Variants in SHLD1 observed in about 807,000 individuals in gnomAD.
SHLD1 encodes RINN1-REV7-interacting novel NHEJ regulator 3.
Under a neutral mutation model 5.5 loss-of-function variants are expected in SHLD1, and 3 were observed. That is an observed-to-expected ratio of 0.54 (90% CI 0.25 to 1.40). SHLD1 has a LOEUF of 1.40. Among genes scored for constraint, SHLD1 ranks in the 40% most tolerant of loss-of-function variants. SHLD1 has a pLI of 0.15. For missense variants in SHLD1, 210 were observed against 244.4 expected, an observed-to-expected ratio of 0.86 and a Z score of 0.94; for synonymous variants, 92 against 94.3, an observed-to-expected ratio of 0.98 and a Z score of 0.14.
chr20:5,800,214 G>A (rs1404210238), intron 2 of SHLD1, among the ~76,000 whole-genome samples: 1 of 152,222 alleles, frequency 6.6e-6, no homozygotes, highest in Admixed American at 6.5e-5. Context: ...AAGGCTGCCT[G>A]AGCTACAGCA....
At chr20:5,763,381 C>G (rs1257075172) in intron 1 of SHLD1, among the ~76,000 whole-genome samples, 1 of 151,744 alleles carries the variant, frequency 6.6e-6, no homozygotes, top group Non-Finnish European at 1.5e-5. Context: ...CCAGTTGACT[C>G]TGCCAAAAGG....
chr20:5,789,833 C>A (rs6053698), intron 2 of SHLD1, among the ~76,000 whole-genome samples: 44,441 of 151,736 alleles, frequency 0.29, 6,468 homozygotes, highest in Middle Eastern at 0.34. Context: ...AGAAGGTGAC[C>A]CAGACCCAGT....
chr20:5,831,721 C>G (rs1251351141), intron 2 of SHLD1, among the ~76,000 whole-genome samples: 1 of 151,748 alleles, frequency 6.6e-6, no homozygotes, highest in African/African-American at 2.4e-5. Flanking sequence ...TTGCCGAATC[C>G]CTTTGATCTC....
At chr20:5,837,406 C>G (rs112779637) in intron 2 of SHLD1, among the ~76,000 whole-genome samples, 2,519 of 152,256 alleles carry the variant, frequency 0.017, 74 homozygotes, top group African/African-American at 0.058. Context: ...CATCCCATCA[C>G]CTAGGTGTTA....
At position 5,863,223 on chromosome 20, in the gene SHLD1, T is replaced by C. The variant is rs1356558456; in HGVS notation, c.378T>C (p.Ser126=). The change falls in exon 3 of 3, where the codon TCT becomes TCC. Residue 126 remains serine (S), a synonymous_variant. Coordinates refer to ENST00000303142, the MANE Select transcript of SHLD1 (RefSeq NM_152504.4). The part of the protein sequence containing the change: ...SLSASVCKCL[S]QKITQLRGQE... ...CTGCATCTGTCTGCAAGTGCCTGTCTCAGAAAATCACTCAACTAAGAGGCC... is the reference window on the plus strand; with the variant it reads ...CTGCATCTGTCTGCAAGTGCCTGTCCCAGAAAATCACTCAACTAAGAGGCC... 18 of 1,614,038 alleles carry C rather than the reference T, an allele frequency of 1.1e-5. No homozygotes were observed. The Admixed American group carries it at 1.3e-4, about 12-fold the overall frequency.
chr20:5,843,295 C>CT (rs11473559), intron 2 of SHLD1, among the ~76,000 whole-genome samples: 3,189 of 141,690 alleles, frequency 0.023, 135 homozygotes, highest in African/African-American at 0.079. Flanking sequence ...TTGTTTTTTT[C>CT]TTTTTTTTTT....
At chr20:5,841,608 T>C (rs2087861677) in intron 2 of SHLD1, among the ~76,000 whole-genome samples, 2 of 152,176 alleles carry the variant, frequency 1.3e-5, no homozygotes, top group South Asian at 4.1e-4. Flanking sequence ...TAACAGAAAA[T>C]TCTAAAATGT....
intron 1 of SHLD1, chr20:5,756,689 CTTTTTTTT>C: frequency 1.3e-5 from 1 of 78,884 alleles, no homozygotes; most frequent in Non-Finnish European, 3.0e-5. Flanking sequence ...TTCTTTCTTT[CTTTTTTTT>C]TTTTTTTTTT....
chr20:5,851,352 A>G (rs1438606909), intron 2 of SHLD1, among the ~76,000 whole-genome samples: 1 of 152,096 alleles, frequency 6.6e-6, no homozygotes, highest in African/African-American at 2.4e-5. Flanking sequence ...GCTGGGCATC[A>G]TGGTGGTGCA....
intron 2 of SHLD1, among the ~76,000 whole-genome samples, chr20:5,849,820 G>A (rs925142806): frequency 1.0e-3 from 151 of 150,848 alleles, no homozygotes; most frequent in African/African-American, 3.6e-3. Flanking sequence ...TTAGCCGGGC[G>A]CGGTGGCGGG....
chr20:5,764,138 AAATATAT>A (rs1568489960), intron 1 of SHLD1, among the ~76,000 whole-genome samples: 1 of 50,316 alleles, frequency 2.0e-5, no homozygotes, highest in Non-Finnish European at 3.9e-5. Flanking sequence ...AAAAAAAAAA[AAATATAT>A]ATATATTTAT....
intron 2 of SHLD1, among the ~76,000 whole-genome samples, chr20:5,827,761 T>C (rs2087683157): frequency 6.6e-6 from 1 of 152,254 alleles, no homozygotes; most frequent in South Asian, 2.1e-4. Context: ...AGATTTCCCT[T>C]GCCTCCAGTT....
chr20:5,757,314 C>T (rs1488679709), intron 1 of SHLD1, among the ~76,000 whole-genome samples: 2 of 151,716 alleles, frequency 1.3e-5, no homozygotes, highest in Non-Finnish European at 2.9e-5. Flanking sequence ...TGGCCTCAAG[C>T]AGTCTGTCCA....
chr20:5,807,554 G>A (rs953592168), intron 2 of SHLD1, among the ~76,000 whole-genome samples: 10 of 151,912 alleles, frequency 6.6e-5, no homozygotes, highest in African/African-American at 1.5e-4. Flanking sequence ...ACATTTTTTT[G>A]TAGAGTTGAG....
intron 2 of SHLD1, among the ~76,000 whole-genome samples, chr20:5,839,505 A>ATAGATAGG (rs1382903511): frequency 1.3e-5 from 2 of 152,024 alleles, no homozygotes; most frequent in African/African-American, 2.4e-5. Context: ...AGATAGATAG[A>ATAGATAGG]TAGATAGATA....
intron 2 of SHLD1, among the ~76,000 whole-genome samples, chr20:5,849,087 A>C (rs2087966989): frequency 6.6e-6 from 1 of 152,194 alleles, no homozygotes; most frequent in Admixed American, 6.5e-5. Flanking sequence ...GCAAATTCTA[A>C]AATATATGAA....
intron 2 of SHLD1, among the ~76,000 whole-genome samples, chr20:5,787,272 G>A (rs2087072586): frequency 6.6e-6 from 1 of 152,158 alleles, no homozygotes; most frequent in Admixed American, 6.5e-5. Flanking sequence ...AACAAGTCAG[G>A]AATTTTAACT....
At chr20:5,786,844 G>T (rs1226616620) in intron 2 of SHLD1, among the ~76,000 whole-genome samples, 1 of 152,000 alleles carries the variant, frequency 6.6e-6, no homozygotes, top group Non-Finnish European at 1.5e-5. Flanking sequence ...GTGAATATGG[G>T]CAGGGAAGGG....
chr20:5,771,982 C>T (rs993951310), intron 1 of SHLD1: 16 of 426,262 alleles, frequency 3.8e-5, no homozygotes, highest in Non-Finnish European at 6.4e-5. Flanking sequence ...TCAAGGGATT[C>T]TCTTGCCTCT....
Sources: gnomAD v4.1 joint callset for allele counts (sites outside exome capture counted in the v4.1 genomes callset) on GRCh38, gnomAD v4.1.1 for gene constraint, MANE v1.5 for transcripts, NCBI Gene and HGNC (gene_info 2026-07-23, HGNC 2026-07-21) for gene names.